GRM8: variants seen among roughly 807,000 people sequenced by gnomAD.
The protein encoded by GRM8 is glutamate metabotropic receptor 8.
GRM8 carries 47 observed loss-of-function variants against 87.2 expected under a neutral mutation model. The ratio of observed to expected loss-of-function variants is 0.54; its 90% CI spans 0.43 to 0.69. The LOEUF (loss-of-function observed/expected upper bound fraction) is 0.69, where lower values mean the gene tolerates loss of function less well. GRM8 is among the 30% of genes least tolerant of loss of function. The pLI is 0.00. For missense variants in GRM8, 1,019 were observed against 1,139.2 expected, an observed-to-expected ratio of 0.89 and a Z score of 1.52; for synonymous variants, 396 against 404.5, an observed-to-expected ratio of 0.98 and a Z score of 0.25.
intron 2 of GRM8, among the ~76,000 whole-genome samples, chr7:127,148,766 T>A (rs538612712): frequency 1.3e-5 from 2 of 152,022 alleles, no homozygotes; most frequent in Admixed American, 6.6e-5. Context: ...AACTTAAAAA[T>A]AACTTAGGAC....
intron 7 of GRM8, among the ~76,000 whole-genome samples, chr7:126,611,159 C>T (rs1798875659): frequency 6.6e-6 from 1 of 152,104 alleles, no homozygotes; most frequent in African/African-American, 2.4e-5. Flanking sequence ...AAAATAAGAG[C>T]TCTCCAATCA....
chr7:126,892,530 C>G (rs1318986521), intron 6 of GRM8, among the ~76,000 whole-genome samples: 4 of 152,184 alleles, frequency 2.6e-5, no homozygotes, highest in Admixed American at 1.3e-4. Flanking sequence ...TTAATCCAGT[C>G]TATCATTGTT....
chr7:126,894,544 G>A (rs2106192), intron 6 of GRM8, among the ~76,000 whole-genome samples: 16,809 of 151,824 alleles, frequency 0.11, 1,117 homozygotes, highest in East Asian at 0.22. Context: ...GAGTATTTAC[G>A]TACTCGAAAT....
chr7:126,582,822 T>C (rs1894733), intron 8 of GRM8, among the ~76,000 whole-genome samples: 1 of 152,038 alleles, frequency 6.6e-6, no homozygotes, highest in Non-Finnish European at 1.5e-5. Context: ...TGTAGTTTCA[T>C]GTATGTTGGT....
chr7:127,198,889 G>A (rs562360982), intron 2 of GRM8, among the ~76,000 whole-genome samples: 6 of 148,956 alleles, frequency 4.0e-5, no homozygotes, highest in Non-Finnish European at 7.4e-5. Context: ...TGCCCAGGCT[G>A]GAGTGCAATG....
intron 7 of GRM8, among the ~76,000 whole-genome samples, chr7:126,695,021 C>A (rs1049407528): frequency 1.3e-5 from 2 of 152,078 alleles, no homozygotes; most frequent in Admixed American, 1.3e-4. Flanking sequence ...TCATAGATAT[C>A]CTCGGAATAA....
intron 7 of GRM8, among the ~76,000 whole-genome samples, chr7:126,616,897 C>CA (rs1372029166): frequency 2.0e-5 from 3 of 151,948 alleles, no homozygotes; most frequent in Non-Finnish European, 4.4e-5. Context: ...GCCTACCAAC[C>CA]AAAAAAAGTC....
intron 6 of GRM8, among the ~76,000 whole-genome samples, chr7:126,849,891 T>C (rs1204681197): frequency 6.6e-6 from 1 of 152,150 alleles, no homozygotes; most frequent in Non-Finnish European, 1.5e-5. Context: ...AACAGTACTT[T>C]CTCTCCTGCA....
intron 9 of GRM8, among the ~76,000 whole-genome samples, chr7:126,462,612 T>G (rs1198708284): frequency 6.6e-6 from 1 of 151,700 alleles, no homozygotes. Flanking sequence ...ATTAAAACTA[T>G]GTTCCTAAGA....
chr7:126,704,118 C>T (rs1178405039), intron 7 of GRM8, among the ~76,000 whole-genome samples: 1 of 152,102 alleles, frequency 6.6e-6, no homozygotes, highest in African/African-American at 2.4e-5. Flanking sequence ...AAGTCAGGGA[C>T]CCCGAATGGA....
At chr7:126,910,256 T>C (rs931066448) in intron 3 of GRM8, among the ~76,000 whole-genome samples, 3 of 152,200 alleles carry the variant, frequency 2.0e-5, no homozygotes, top group African/African-American at 7.2e-5. Context: ...ACTGCAGCAA[T>C]CATAATAATT....
chr7:126,860,228 C>T (rs1055973743), intron 6 of GRM8, among the ~76,000 whole-genome samples: 16 of 152,256 alleles, frequency 1.1e-4, no homozygotes, highest in African/African-American at 3.6e-4. Flanking sequence ...TTCATTCTTT[C>T]ATTTAACTAA....
At chr7:126,608,687 A>T (rs971263721) in intron 8 of GRM8, among the ~76,000 whole-genome samples, 1 of 151,930 alleles carries the variant, frequency 6.6e-6, no homozygotes, top group African/African-American at 2.4e-5. Flanking sequence ...ATAAACACAG[A>T]GTATGATTCA....
At chr7:126,607,999 C>CT (rs1299940935) in intron 8 of GRM8, among the ~76,000 whole-genome samples, 3 of 151,896 alleles carry the variant, frequency 2.0e-5, no homozygotes, top group Non-Finnish European at 4.4e-5. Context: ...CTCTAAACCT[C>CT]GACTGAGACT....
At chr7:126,540,232 C>A (rs1320891949) in intron 8 of GRM8, among the ~76,000 whole-genome samples, 1 of 151,990 alleles carries the variant, frequency 6.6e-6, no homozygotes, top group Non-Finnish European at 1.5e-5. Flanking sequence ...TCAGGGAAAT[C>A]TAAATCAAAA....
chr7:126,554,133 G>A (rs745653458), intron 8 of GRM8, among the ~76,000 whole-genome samples: 2 of 151,912 alleles, frequency 1.3e-5, no homozygotes, highest in South Asian at 2.1e-4. Context: ...AATTGTTTAA[G>A]CTATTAGTTT....
intron 3 of GRM8, among the ~76,000 whole-genome samples, chr7:126,956,209 A>T (rs1034219315): frequency 1.3e-5 from 2 of 152,222 alleles, no homozygotes; most frequent in Admixed American, 6.5e-5. Context: ...TTTAAGAAAA[A>T]GGAGAAGAAA....
intron 2 of GRM8, among the ~76,000 whole-genome samples, chr7:127,216,529 AAAAAAC>A (rs1796557169): frequency 1.5e-4 from 22 of 150,612 alleles, no homozygotes; most frequent in Non-Finnish European, 2.4e-4. Flanking sequence ...AAAAAAAAAA[AAAAAAC>A]AAAAAAAAAA....
chr7:126,865,493 G>A (rs1798511024), intron 6 of GRM8, among the ~76,000 whole-genome samples: 1 of 152,122 alleles, frequency 6.6e-6, no homozygotes, highest in Non-Finnish European at 1.5e-5. Context: ...ACATAGCACA[G>A]CTCATCTATC....
Sources: gnomAD v4.1 joint callset for allele counts (sites outside exome capture counted in the v4.1 genomes callset) on GRCh38, gnomAD v4.1.1 for gene constraint, MANE v1.5 for transcripts, NCBI Gene and HGNC (gene_info 2026-07-23, HGNC 2026-07-21) for gene names.